Variants in NAB1 observed in about 807,000 individuals in gnomAD.
NAB1 encodes NGFI-A binding protein 1, also known as NGFI-A-binding protein 1.
NAB1 carries 25 observed loss-of-function variants against 49.9 expected under a neutral mutation model. The observed-to-expected ratio is 0.50, with a 90% CI of 0.37 to 0.70. The LOEUF (loss-of-function observed/expected upper bound fraction) is 0.70. Ranked by LOEUF, NAB1 falls within the 30% of genes least tolerant of loss-of-function variation. The pLI is 0.00. For synonymous variants in NAB1, 198 were observed against 215.6 expected, an observed-to-expected ratio of 0.92 and a Z score of 0.71; for missense variants, 489 against 575.9, an observed-to-expected ratio of 0.85 and a Z score of 1.54.
Position 190,667,819 on chromosome 2 carries a change from G to A in NAB1, c.820-2507G>A, listed in dbSNP as rs940293924. ...AAGTAAAACGATTAGACTAAATTATGGAACATTTATATATTATTAGAGTAG... is the reference window on the plus strand; with the variant it reads ...AAGTAAAACGATTAGACTAAATTATAGAACATTTATATATTATTAGAGTAG... On this transcript the variant is annotated intron_variant, in intron 4 of 9. Transcript: ENST00000337386. The surrounding 1 kb of genome is among the most constrained non-coding windows in gnomAD (Gnocchi z 4.4). 6.6e-5 allele frequency among the ~76,000 whole-genome samples: 10 copies of A among 151,948 alleles called. No homozygotes were observed. The highest frequency in any genetic ancestry group is 1.0e-4 in the Non-Finnish European group (7 of 67,958).
chr2:190,668,206 T>C (rs1694620451), intron 4 of NAB1, among the ~76,000 whole-genome samples: 1 of 152,204 alleles, frequency 6.6e-6, no homozygotes, highest in Non-Finnish European at 1.5e-5. Flanking sequence ...TATAAATTTC[T>C]TAAAATTTTA....
chr2:190,649,037 G>A (rs1331001615), upstream of NAB1: 1 of 146,434 alleles, frequency 6.8e-6, no homozygotes, highest in African/African-American at 2.5e-5. This position sits in a 1 kb window ranked among gnomAD's most constrained non-coding sequence, Gnocchi z 6.1. Context: ...GCGCGGGGAA[G>A]GCAGGGGAGG....
chr2:190,682,297 A>T lies in NAB1; in HGVS notation c.1006-1441A>T, dbSNP rs2125834730. 6.6e-6 allele frequency among the ~76,000 whole-genome samples: 1 copy of T among 152,312 alleles called. No individual in the cohort carries two copies. The highest frequency in any genetic ancestry group is 6.5e-5 in the Admixed American group (1 of 15,296). On this transcript the variant is annotated intron_variant, in intron 6 of 9. Transcript: ENST00000337386. The surrounding 1 kb of genome is among the most constrained non-coding windows in gnomAD (Gnocchi z 4.1). ...TCATTTGGTCCTCACAACAATCCTA[A>T]TAGATAGGTTCTCCTATCCTCAATT...
Position 190,659,791 on chromosome 2 carries a change from G to A in NAB1, c.615G>A (p.Arg205=). The A allele has an allele frequency of 6.2e-7, 1 of 1,614,178 alleles. No homozygotes were observed. The highest frequency in any genetic ancestry group is 8.5e-7 in the Non-Finnish European group (1 of 1,180,020). The change falls in exon 4 of 10, where the codon CGG becomes CGA. Residue 205 remains arginine (R), a synonymous_variant. Transcript: ENST00000337386. The surrounding 1 kb of genome is among the most constrained non-coding windows in gnomAD (Gnocchi z 6.2). ...AALSVAECVE[R]MAPTLPKSDL... ...TCTCTGTGGCTGAGTGTGTGGAGCG[G>A]ATGGCCCCCACACTGCCAAAAAGTG...
chr2:190,688,367 A>G (rs914678364), intron 9 of NAB1, among the ~76,000 whole-genome samples: 2 of 152,236 alleles, frequency 1.3e-5, no homozygotes, highest in Non-Finnish European at 2.9e-5. Context: ...TCTTGGTAGC[A>G]GATGCTAAAA....
Position 190,659,612 on chromosome 2 carries a change from G to A in NAB1, c.436G>A (p.Val146Met). 14 of 1,614,222 alleles carry A rather than the reference G, an allele frequency of 8.7e-6. No individual in the cohort carries two copies. The highest frequency in any genetic ancestry group is 1.2e-5 in the Non-Finnish European group (14 of 1,180,042). ...VQSLGQGKSDVVGSLALQSVG... is the reference protein window; with the variant it reads ...VQSLGQGKSDMVGSLALQSVG... ...GAGCTTGGGACAGGGGAAGTCAGAT[G>A]TGGTTGGGAGCCTAGCACTGCAGAG... The change falls in exon 4 of 10, where the codon GTG becomes ATG. Residue 146 changes from valine (V) to methionine (M), a missense_variant. Physicochemically the swap from Val to Met is conservative, Grantham distance 21 (BLOSUM62 1). Transcript: ENST00000337386. This position sits in a 1 kb window ranked among gnomAD's most constrained non-coding sequence, Gnocchi z 6.2.
At chr2:190,683,610 T>C (rs1695463749) in intron 6 of NAB1, 128 bp from the exon 7 acceptor site, 1 of 621,890 alleles carries the variant, frequency 1.6e-6, no homozygotes, top group African/African-American at 1.9e-5. Flanking sequence ...AAATATTTTA[T>C]AACCATTAAA....
chr2:190,656,155 T>TA lies in NAB1; in HGVS notation c.-20+4dup, dbSNP rs1469943551. ...TCCAGGATATCTTGAAAAGCCCAGG[T>TA]AACAGTAGTTTTCAGCTGAGTGGAT... On this transcript the variant is annotated splice_region_variant and intron_variant, in intron 3 of 9. Transcript: ENST00000337386. The TA allele has an allele frequency of 1.3e-5, 2 of 152,232 alleles. No individual in the cohort carries two copies. Among genetic ancestry groups the TA allele is most frequent in the Non-Finnish European group, 2.9e-5 (2 of 68,052 alleles). 9.4% of individuals were successfully genotyped at this position (152,232 alleles called of 1,614,324 possible). A position where few individuals can be genotyped will look rare whatever the true frequency, so the allele number is the denominator to read the frequency against.
rs889100339 is a variant in NAB1, at chr2:190,649,310, C to T, written c.-384C>T. 1 of 152,200 alleles carries T rather than the reference C, an allele frequency of 6.6e-6. No homozygotes were observed. Among genetic ancestry groups the T allele is most frequent in the African/African-American group, 2.4e-5 (1 of 41,412 alleles). 9.4% of individuals were successfully genotyped at this position (152,200 alleles called of 1,614,324 possible). A position where few individuals can be genotyped will look rare whatever the true frequency, so the allele number is the denominator to read the frequency against. The stretch of plus-strand genomic sequence containing the variant: ...GGGGGCCGTCGCTTCGGAGTTGGGG[C>T]TGAGCAGTCCTCGGGGAGAGCGCGC... On this transcript the variant is annotated 5_prime_UTR_variant, in exon 1 of 10. Transcript: ENST00000337386. The surrounding 1 kb of genome is among the most constrained non-coding windows in gnomAD (Gnocchi z 6.1).
chr2:190,683,765 G>T lies in NAB1; in HGVS notation c.1033G>T (p.Val345Leu). 4 of 1,613,714 alleles carry T rather than the reference G, an allele frequency of 2.5e-6. No individual in the cohort carries two copies. The highest frequency in any genetic ancestry group is 3.4e-6 in the Non-Finnish European group (4 of 1,179,888). ...EDGFPDFQDS[V>L]QTLFQQARAK... ...TGGGTTTCCAGATTTCCAGGATTCT[G>T]TGCAAACACTCTTCCAGCAGGCTAG... The change falls in exon 7 of 10, where the codon GTG becomes TTG. Residue 345 changes from valine (V) to leucine (L), a missense_variant. By Grantham distance (32) the Val-to-Leu change is conservative. This residue lies in a region of NAB1 where 212 missense variants were observed against 199.3 expected (regional missense o/e 1.06). Transcript: ENST00000337386.
chr2:190,667,562 T>C lies in NAB1; in HGVS notation c.820-2764T>C, dbSNP rs908512304. On this transcript the variant is annotated intron_variant, in intron 4 of 9. Transcript: ENST00000337386. The surrounding 1 kb of genome is among the most constrained non-coding windows in gnomAD (Gnocchi z 4.4). ...TCTATTGATGACTCTTTAGGAGGAG[T>C]GGAGAAGGCTGAAAATAAATTCTTC... Among the ~76,000 whole-genome samples, 1 of 152,042 alleles carries C rather than the reference T, an allele frequency of 6.6e-6. No individual in the cohort carries two copies. Among genetic ancestry groups the C allele is most frequent in the Non-Finnish European group, 1.5e-5 (1 of 67,982 alleles).
rs1221643597 is a variant in NAB1 at position 190,675,285 on chromosome 2, CT to C, written c.1005+2135del. On this transcript the variant is annotated intron_variant, in intron 6 of 9. Coordinates refer to ENST00000337386, the MANE Select transcript of NAB1 (RefSeq NM_005966.4). This position sits in a 1 kb window ranked among gnomAD's most constrained non-coding sequence, Gnocchi z 5.2. Reference sequence around the variant, plus strand: ...TCAGGCTGCTCACATTTAAGCCACACTTGTCTAGCTTTAGAGGTCACTAAAT... The same window carrying C: ...TCAGGCTGCTCACATTTAAGCCACACTGTCTAGCTTTAGAGGTCACTAAAT... Among the ~76,000 whole-genome samples, 4 of 152,208 alleles carry C rather than the reference CT, an allele frequency of 2.6e-5. No individual in the cohort carries two copies. Among genetic ancestry groups the C allele is most frequent in the African/African-American group, 9.7e-5 (4 of 41,442 alleles).
In NAB1 at chr2:190,675,182, G is replaced by A. The variant is rs912129902; in HGVS notation, c.1005+2030G>A. Among the ~76,000 whole-genome samples, 2 of 152,152 alleles carry A rather than the reference G, an allele frequency of 1.3e-5. No homozygotes were observed. The highest frequency in any genetic ancestry group is 2.9e-5 in the Non-Finnish European group (2 of 68,016). On this transcript the variant is annotated intron_variant, in intron 6 of 9. Transcript: ENST00000337386. This position sits in a 1 kb window ranked among gnomAD's most constrained non-coding sequence, Gnocchi z 5.2. Reference sequence around the variant, plus strand: ...GGAAAGAAAGCACAGAAACTACCCAGGGGCCAAAAAATTAGTTGCTAGGCT... The same window carrying A: ...GGAAAGAAAGCACAGAAACTACCCAAGGGCCAAAAAATTAGTTGCTAGGCT...
chr2:190,677,182 G>A lies in NAB1; in HGVS notation c.1005+4030G>A, dbSNP rs1695115637. 1 of 151,932 alleles carries A rather than the reference G, an allele frequency of 6.6e-6. No homozygotes were observed. Among genetic ancestry groups the A allele is most frequent in the African/African-American group, 2.4e-5 (1 of 41,344 alleles). The allele number at this position is 151,932 out of a possible 1,614,324, so 9.4% of individuals were successfully genotyped here. A position where few individuals can be genotyped will look rare whatever the true frequency, so the allele number is the denominator to read the frequency against. On this transcript the variant is annotated intron_variant, in intron 6 of 9. Coordinates refer to ENST00000337386, the MANE Select transcript of NAB1 (RefSeq NM_005966.4). This position sits in a 1 kb window ranked among gnomAD's most constrained non-coding sequence, Gnocchi z 5.6. Reference sequence around the variant, plus strand: ...TGTAGTAGGTTGTTCCCCCTTAAAGGATAGTTACTTATTTGATTTAAAAAA... The same window carrying A: ...TGTAGTAGGTTGTTCCCCCTTAAAGAATAGTTACTTATTTGATTTAAAAAA...
rs766540805 is a variant in NAB1 at position 190,670,725 on chromosome 2, A to G, written c.953+266A>G. On this transcript the variant is annotated intron_variant, in intron 5 of 9. Coordinates refer to ENST00000337386, the MANE Select transcript of NAB1 (RefSeq NM_005966.4). This position sits in a 1 kb window ranked among gnomAD's most constrained non-coding sequence, Gnocchi z 5.3. The stretch of plus-strand genomic sequence containing the variant: ...TTTTAAACATTCTTCTCTCATACAC[A>G]CACTTTGGTTTTGAGTGTGACGAGG... Among the ~76,000 whole-genome samples, 7 of 152,162 alleles carry G rather than the reference A, an allele frequency of 4.6e-5. No individual in the cohort carries two copies. The highest frequency in any genetic ancestry group is 7.4e-5 in the Non-Finnish European group (5 of 68,024).
rs1695061494 is a variant in NAB1, at chr2:190,676,182, A to G, written c.1005+3030A>G. ...GCTGGGTTTTTAAAAGAAGGGTAGA[A>G]TTTCAAAAGGTAGCGATGTGGGGAG... On this transcript the variant is annotated intron_variant, in intron 6 of 9. Transcript: ENST00000337386. The surrounding 1 kb of genome is among the most constrained non-coding windows in gnomAD (Gnocchi z 4.6). Among the ~76,000 whole-genome samples, 2 of 152,076 alleles carry G rather than the reference A, an allele frequency of 1.3e-5. No homozygotes were observed. The highest frequency in any genetic ancestry group is 6.6e-5 in the Admixed American group (1 of 15,256).
In NAB1 at chr2:190,686,611, CAGTTAAGA is replaced by C; in HGVS notation, c.1259-587_1259-580del. On this transcript the variant is annotated intron_variant, in intron 8 of 9. Transcript: ENST00000337386. This position sits in a 1 kb window ranked among gnomAD's most constrained non-coding sequence, Gnocchi z 5.5. ...GTTTAACTTCTCCAATTATCCTTAA[CAGTTAAGA>C]AGCAAAGGCAATTATTAAAGATTTG... Among the ~76,000 whole-genome samples the C allele has an allele frequency of 6.6e-6, 1 of 152,256 alleles. No individual in the cohort carries two copies. The highest frequency in any genetic ancestry group is 1.5e-5 in the Non-Finnish European group (1 of 68,002).
intron 9 of NAB1, among the ~76,000 whole-genome samples, chr2:190,690,011 T>TA (rs1559258244): frequency 5.9e-4 from 1 of 1,700 alleles, no homozygotes; most frequent in Admixed American, 5.0e-3. Context: ...GATGTATACA[T>TA]CTATACATAT....
chr2:190,687,312 C>T lies in NAB1; in HGVS notation c.1370C>T (p.Ser457Leu). The change falls in exon 9 of 10, where the codon TCA becomes TTA. Residue 457 changes from serine (S) to leucine (L), a missense_variant. Around this residue, in one of 4 missense-constraint regions of NAB1, gnomAD observed 212 missense variants for 199.3 expected, o/e 1.06. Transcript: ENST00000337386. Reference protein sequence around the residue: ...RLYPSEAKSHSSESLGILKDY... With the variant: ...RLYPSEAKSHLSESLGILKDY... ...TACCCCAGTGAGGCAAAGTCCCACT[C>T]ATCAGGTGAGAACGTGCTATATGAT... 1.3e-6 allele frequency: 2 copies of T among 1,563,098 alleles called. No homozygotes were observed. Among genetic ancestry groups the T allele is most frequent in the Admixed American group, 1.9e-5 (1 of 52,742 alleles).
Sources: gnomAD v4.1 joint callset for allele counts (sites outside exome capture counted in the v4.1 genomes callset) on GRCh38, gnomAD v4.1.1 for gene constraint, gnomAD v4.1.1 regional missense constraint, Gnocchi (gnomAD v3.1) non-coding constraint, MANE v1.5 for transcripts, NCBI Gene and HGNC (gene_info 2026-07-23, HGNC 2026-07-21) for gene names.